ESF1: variants seen among roughly 807,000 people sequenced by gnomAD.
The protein encoded by ESF1 is ESF1 homolog.
Under a neutral mutation model 92.0 loss-of-function variants are expected in ESF1, and 58 were observed. The observed-to-expected ratio is 0.63, with a 90% CI of 0.51 to 0.78. The LOEUF is 0.78. ESF1 is among the 30% of genes least tolerant of loss of function. The pLI is 0.00. For synonymous variants in ESF1, 321 were observed against 313.7 expected (o/e 1.02, Z -0.24); for missense variants, 922 against 989.1 (o/e 0.93, Z 0.91).
At chr20:13,723,147 A>T (rs573829844) in intron 11 of ESF1, among the ~76,000 whole-genome samples, 2 of 152,330 alleles carry the variant, frequency 1.3e-5, no homozygotes, top group Non-Finnish European at 2.9e-5. Context: ...AACTTCCTCC[A>T]GAGGGTTTAG....
In ESF1 at chr20:13,782,566, G is replaced by A. The variant is rs375672621; in HGVS notation, c.575C>T (p.Thr192Ile). Residue 192 changes from threonine (T) to isoleucine (I), a missense_variant, in exon 2 of 14, where the codon ACC becomes ATC. Physicochemically the swap from Thr to Ile is moderately conservative, Grantham distance 89. Coordinates refer to ENST00000617257, the MANE Select transcript of ESF1 (RefSeq NM_001276380.2). Reference sequence around the variant, plus strand: ...TCTGGGAGATTTCACAATTTCAGAGGTGCCTGAGTCTAATGTCCTTTGTTT... The same window carrying A: ...TCTGGGAGATTTCACAATTTCAGAGATGCCTGAGTCTAATGTCCTTTGTTT... ...EEKQRTLDSG[T>I]SEIVKSPRIE... The A allele has an allele frequency of 8.2e-6, 13 of 1,576,502 alleles. No homozygotes were observed. Among genetic ancestry groups the A allele is most frequent in the East Asian group, 2.3e-5 (1 of 43,798 alleles).
At chr20:13,733,127 T>C (rs190277172) in intron 10 of ESF1, among the ~76,000 whole-genome samples, 1 of 152,132 alleles carries the variant, frequency 6.6e-6, no homozygotes, top group Non-Finnish European at 1.5e-5. Flanking sequence ...GGTTTCGCCA[T>C]GTTGGCCAAG....
chr20:13,721,135 G>A (rs1289748446), intron 11 of ESF1, among the ~76,000 whole-genome samples: 1 of 151,944 alleles, frequency 6.6e-6, no homozygotes, highest in African/African-American at 2.4e-5. Context: ...TAAAAAAAAA[G>A]AAAAGAAATG....
chr20:13,736,620 G>A (rs916514093), intron 9 of ESF1, among the ~76,000 whole-genome samples: 1 of 152,082 alleles, frequency 6.6e-6, no homozygotes, highest in Non-Finnish European at 1.5e-5. Flanking sequence ...CAAGCCATCT[G>A]TTTGATCTTT....
intron 12 of ESF1, 90 bp downstream of exon 12, chr20:13,718,818 G>T: frequency 2.4e-6 from 2 of 836,724 alleles, no homozygotes; most frequent in Non-Finnish European, 1.7e-6. Flanking sequence ...GCTAAAATAA[G>T]TTGTTTTTTA....
intron 9 of ESF1, among the ~76,000 whole-genome samples, chr20:13,742,304 C>A (rs1249414544): frequency 6.6e-6 from 1 of 152,048 alleles, no homozygotes; most frequent in African/African-American, 2.4e-5. Context: ...AACCCCGTCT[C>A]TACTAAAAAT....
chr20:13,760,815 C>T (rs1979157145), intron 8 of ESF1, among the ~76,000 whole-genome samples: 1 of 151,554 alleles, frequency 6.6e-6, no homozygotes, highest in Admixed American at 6.6e-5. Flanking sequence ...GGTGCCTCTG[C>T]CCGGCCGCCC....
intron 4 of ESF1, 80 bp downstream of exon 4, chr20:13,775,077 A>C: frequency 3.3e-3 from 2,279 of 694,332 alleles, no homozygotes; most frequent in Non-Finnish European, 4.2e-3. Context: ...AAGGAAAACT[A>C]TGGCCAAAAA....
chr20:13,760,789 CG>C (rs1979154391), intron 8 of ESF1, among the ~76,000 whole-genome samples: 1 of 151,396 alleles, frequency 6.6e-6, no homozygotes, highest in Non-Finnish European at 1.5e-5. Flanking sequence ...CCAGCCACCC[CG>C]TCTGGGAGGT....
At chr20:13,729,084 C>A (rs2049923722) in intron 10 of ESF1, among the ~76,000 whole-genome samples, 1 of 152,022 alleles carries the variant, frequency 6.6e-6, no homozygotes, top group Non-Finnish European at 1.5e-5. Flanking sequence ...CAGGGTGAAA[C>A]CCCATCTCTA....
At chr20:13,784,250 T>C (rs1302417372) in intron 1 of ESF1, among the ~76,000 whole-genome samples, 1 of 151,444 alleles carries the variant, frequency 6.6e-6, no homozygotes, top group Non-Finnish European at 1.5e-5. Flanking sequence ...GATGGGAATT[T>C]TGCAAAGAGC....
At chr20:13,771,181 T>G in intron 6 of ESF1, 150 bp downstream of exon 6, 1 of 658,082 alleles carries the variant, frequency 1.5e-6, no homozygotes, top group South Asian at 1.9e-5. Flanking sequence ...TTTTCTTTCT[T>G]AGGAGTGATG....
At chr20:13,726,747 C>T (rs6042322) in intron 11 of ESF1, among the ~76,000 whole-genome samples, 111,473 of 152,014 alleles carry the variant, frequency 0.73, 41,267 homozygotes, top group East Asian at 0.9. Flanking sequence ...ACAGTTATTA[C>T]AGAATGAATA....
At chr20:13,762,854 G>GTTTTTTTTTT (rs33986564) in intron 8 of ESF1, 12 of 186,858 alleles carry the variant, frequency 6.4e-5, no homozygotes, top group Admixed American at 1.1e-4. Context: ...ATTTATTAAA[G>GTTTTTTTTTT]TTTTTTTTTT....
At chr20:13,725,277 T>G (rs2049894068) in intron 11 of ESF1, among the ~76,000 whole-genome samples, 1 of 152,228 alleles carries the variant, frequency 6.6e-6, no homozygotes, top group Non-Finnish European at 1.5e-5. Context: ...TGCATTTGTA[T>G]TTACTTTTAT....
chr20:13,772,524 T>G lies in ESF1; in HGVS notation c.1241A>C (p.Glu414Ala). The G allele has an allele frequency of 6.2e-7, 1 of 1,609,450 alleles. No individual in the cohort carries two copies. The change falls in exon 5 of 14, where the codon GAA (glutamate) becomes GCA (alanine). Residue 414 changes from glutamate (E) to alanine (A), a missense_variant. Coordinates refer to ENST00000617257, the MANE Select transcript of ESF1 (RefSeq NM_001276380.2). Reference protein sequence around the residue: ...ELLSIPEDAPEKDWTSREKLR... With the variant: ...ELLSIPEDAPAKDWTSREKLR... ...TATAGTGATTTAATACCAGTCTTTT[T>G]CTGGGGCATCTTCAGGAATACTTAA...
Position 13,759,763 on chromosome 20 carries a change from A to C in ESF1, c.1757T>G (p.Leu586Trp), listed in dbSNP as rs1484225860. 6.3e-7 allele frequency: 1 copy of C among 1,574,808 alleles called. No individual in the cohort carries two copies. The highest frequency in any genetic ancestry group is 8.6e-7 in the Non-Finnish European group (1 of 1,169,274). ...EEQIAKYRQLLQVIQEKEKKG... is the reference protein window; with the variant it reads ...EEQIAKYRQLWQVIQEKEKKG... Reference sequence around the variant, plus strand: ...CTTTTCTTTTTCTTGAATAACCTGCAAGAGCTGCCTGTATTTAGCAATTTG... The same window carrying C: ...CTTTTCTTTTTCTTGAATAACCTGCCAGAGCTGCCTGTATTTAGCAATTTG... Residue 586 changes from leucine (L) to tryptophan (W), a missense_variant, in exon 9 of 14, where the codon TTG becomes TGG. Coordinates refer to ENST00000617257, the MANE Select transcript of ESF1 (RefSeq NM_001276380.2).
At chr20:13,760,983 T>C (rs1429658328) in intron 8 of ESF1, among the ~76,000 whole-genome samples, 2 of 152,182 alleles carry the variant, frequency 1.3e-5, no homozygotes, top group Non-Finnish European at 2.9e-5. Context: ...ATGGTTGCTG[T>C]GTCTGTGTAG....
chr20:13,771,507 G>A lies in ESF1; in HGVS notation c.1251-24C>T, dbSNP rs746454186. On this transcript the variant is annotated intron_variant, in intron 5 of 13. Coordinates refer to ENST00000617257, the MANE Select transcript of ESF1 (RefSeq NM_001276380.2). The stretch of plus-strand genomic sequence containing the variant: ...TCCTAAAGTGGGAAAAACTTATTAA[G>A]CATACTTATACAGAAACACAAAAAT... 6 of 1,591,176 alleles carry A rather than the reference G, an allele frequency of 3.8e-6. No individual in the cohort carries two copies. The Admixed American group carries it at 1.1e-4, about 28-fold the overall frequency.
Sources: gnomAD v4.1 joint callset for allele counts (sites outside exome capture counted in the v4.1 genomes callset) on GRCh38, gnomAD v4.1.1 for gene constraint, MANE v1.5 for transcripts, NCBI Gene and HGNC (gene_info 2026-07-23, HGNC 2026-07-21) for gene names.